Variants in TTLL6 observed in about 807,000 individuals in gnomAD.
The protein encoded by TTLL6 is tubulin tyrosine ligase like 6.
A neutral mutation model predicts 96.4 loss-of-function variants in TTLL6; 75 were observed. The observed-to-expected ratio is 0.78, with a 90% CI of 0.65 to 0.94. The LOEUF is 0.94. Among genes scored for constraint, TTLL6 ranks in the 40% least tolerant of loss-of-function variants. TTLL6 has a pLI of 0.00. For synonymous variants in TTLL6, 411 were observed against 419.4 expected (o/e 0.98, Z 0.24); for missense variants, 1,030 against 1,093.0 (o/e 0.94, Z 0.81).
chr17:48,811,378 A>G (rs1487957625), intron 1 of TTLL6, among the ~76,000 whole-genome samples: 3 of 151,410 alleles, frequency 2.0e-5, no homozygotes, highest in Non-Finnish European at 4.4e-5. Context: ...TGCCCAGCCT[A>G]TTTTTCTTAT....
chr17:48,786,328 TC>T lies in TTLL6; in HGVS notation c.1596del (p.Ile533SerfsTer4). The T allele has an allele frequency of 6.2e-7, 1 of 1,614,234 alleles. No homozygotes were observed. The highest frequency in any genetic ancestry group is 8.5e-7 in the Non-Finnish European group (1 of 1,180,040). On this transcript the variant is annotated frameshift_variant, in exon 12 of 16. Transcript: ENST00000393382. LOFTEE classifies it high-confidence loss of function. Reference sequence around the variant, plus strand: ...TCCCGTTTTAGTCTCAGCTCCTGGATCAGTTGCCTGCCCATGAAGAACAAGT... The same window carrying T: ...TCCCGTTTTAGTCTCAGCTCCTGGATAGTTGCCTGCCCATGAAGAACAAGT... ...SRAREEYARQLIQELRLKREK... is the reference protein window; with the variant it reads ...SRAREEYARQXIQELRLKREK...
Position 48,787,553 on chromosome 17 carries a change from G to A in TTLL6, c.1589+258C>T, listed in dbSNP as rs1025873367. On this transcript the variant is annotated intron_variant, in intron 11 of 15. Transcript: ENST00000393382. ...GTATAGGCACATGCAACCATGCCCA[G>A]CTAATTTTCCTTTTTGTTGTTTTGT... Among the ~76,000 whole-genome samples the A allele has an allele frequency of 2.9e-4, 44 of 152,118 alleles. 1 individual carries two copies. Among genetic ancestry groups the A allele is most frequent in the Admixed American group, 1.2e-3 (18 of 15,266 alleles).
rs74915922 is a variant in TTLL6, at chr17:48,805,152, G to A, written c.104-161C>T. On this transcript the variant is annotated intron_variant, in intron 1 of 15. Transcript: ENST00000393382. The stretch of plus-strand genomic sequence containing the variant: ...CCGCGGTTTGATGCAAGCTCAGGGA[G>A]GGAGCTGATTCCACCTTTTGCCATT... Among the ~76,000 whole-genome samples the A allele has an allele frequency of 5.8e-3, 891 of 152,350 alleles. 13 individuals carry two copies. The highest frequency in any genetic ancestry group is 0.02 in the African/African-American group (833 of 41,578).
At chr17:48,769,674 C>A (rs200636277) in intron 14 of TTLL6, 54 bp downstream of exon 14, 1 of 1,573,044 alleles carries the variant, frequency 6.4e-7, no homozygotes, top group Non-Finnish European at 8.6e-7. Flanking sequence ...CTGGTTCTAT[C>A]GGTCCCTCTC....
In TTLL6 at chr17:48,769,902, G is replaced by A. The variant is rs2038701988; in HGVS notation, c.2236C>T (p.Pro746Ser). Residue 746 changes from proline to serine, a missense_variant, in exon 14 of 16, where the codon CCC becomes TCC. Transcript: ENST00000393382. ...TQKKMLKSFL[P>S]TKSKSFWESP... ...TCCCAGAAGCTCTTGGATTTTGTGG[G>A]CAGAAAAGATTTTAACATTTTCTTC... 6.2e-7 allele frequency: 1 copy of A among 1,614,190 alleles called. No individual in the cohort carries two copies. The highest frequency in any genetic ancestry group is 1.7e-5 in the Admixed American group (1 of 60,022).
rs918221390 is a variant in TTLL6 at position 48,799,819 on chromosome 17, G to T, written c.612-59C>A. The T allele has an allele frequency of 6.2e-6, 9 of 1,452,502 alleles. No individual in the cohort carries two copies. The Admixed American group carries it at 8.7e-5, about 14-fold the overall frequency. 90.0% of individuals were successfully genotyped at this position (1,452,502 alleles called of 1,614,324 possible). Reference sequence around the variant, plus strand: ...TAGCTGGGGAGCAATGAAAAGGAAGGCTAGCCCTTTATGAAGAAAAGAAAG... The same window carrying T: ...TAGCTGGGGAGCAATGAAAAGGAAGTCTAGCCCTTTATGAAGAAAAGAAAG... On this transcript the variant is annotated intron_variant, in intron 5 of 15. Coordinates refer to ENST00000393382, the MANE Select transcript of TTLL6 (RefSeq NM_001130918.3).
chr17:48,772,953 G>A (rs2038778456), intron 13 of TTLL6, among the ~76,000 whole-genome samples: 1 of 122,240 alleles, frequency 8.2e-6, no homozygotes, highest in African/African-American at 3.3e-5. Context: ...GCAGTAAGCT[G>A]TAATTGTGTC....
chr17:48,776,192 C>T (rs2038866174), intron 13 of TTLL6, among the ~76,000 whole-genome samples: 3 of 152,108 alleles, frequency 2.0e-5, no homozygotes, highest in Non-Finnish European at 2.9e-5. Flanking sequence ...CTAGGCTGGG[C>T]GCAGTAGCTC....
At chr17:48,814,282 G>A (rs1053130274) in intron 1 of TTLL6, among the ~76,000 whole-genome samples, 1 of 121,990 alleles carries the variant, frequency 8.2e-6, no homozygotes, top group Non-Finnish European at 1.6e-5. Flanking sequence ...TCGCACCACT[G>A]CCCTCCAGTC....
intron 1 of TTLL6, among the ~76,000 whole-genome samples, chr17:48,810,804 ACACATATATAGTATGTGTGTG>A (rs1179498098): frequency 0.011 from 698 of 61,824 alleles, 25 homozygotes; most frequent in African/African-American, 0.023. Context: ...GTACATATAT[ACACATATATAGTATGTGTGTG>A]TATATATATA....
intron 8 of TTLL6, among the ~76,000 whole-genome samples, chr17:48,792,497 A>T (rs2039246181): frequency 1.3e-5 from 2 of 152,218 alleles, no homozygotes; most frequent in Non-Finnish European, 2.9e-5. Flanking sequence ...GACACGGCTC[A>T]TCCAGGCAGT....
rs576113043 is a variant in TTLL6, at chr17:48,801,400, G to A, written c.481-15C>T. On this transcript the variant is annotated splice_polypyrimidine_tract_variant and intron_variant, in intron 4 of 15. Coordinates refer to ENST00000393382, the MANE Select transcript of TTLL6 (RefSeq NM_001130918.3). The stretch of plus-strand genomic sequence containing the variant: ...TGATTGATCTTCTGGAAGGGAAGCC[G>A]GAATTCATGAGCAATCGAGGGACAT... The A allele has an allele frequency of 3.1e-5, 48 of 1,551,420 alleles. No individual in the cohort carries two copies. The highest frequency in any genetic ancestry group is 4.8e-5 in the South Asian group (4 of 84,040).
At chr17:48,804,731 T>C (rs187451207) in intron 2 of TTLL6, 41 bp downstream of exon 2, 461 of 1,527,018 alleles carry the variant, frequency 3.0e-4, no homozygotes, top group Non-Finnish European at 3.9e-4. Context: ...CTTCCTGTTA[T>C]TACCAACATG....
chr17:48,774,591 A>G (rs957131770), intron 13 of TTLL6, among the ~76,000 whole-genome samples: 1 of 152,182 alleles, frequency 6.6e-6, no homozygotes, highest in Non-Finnish European at 1.5e-5. Context: ...ACTAGACTCT[A>G]CAGACATTAA....
rs1411026618 is a variant in TTLL6 at position 48,817,108 on chromosome 17, G to A, written c.-36C>T. 2.0e-6 allele frequency: 3 copies of A among 1,501,896 alleles called. No individual in the cohort carries two copies. The highest frequency in any genetic ancestry group is 2.6e-5 in the East Asian group (1 of 38,918). 93.0% of individuals were successfully genotyped at this position (1,501,896 alleles called of 1,614,324 possible). On this transcript the variant is annotated 5_prime_UTR_variant, in exon 1 of 16. Coordinates refer to ENST00000393382, the MANE Select transcript of TTLL6 (RefSeq NM_001130918.3). ...ACAGCCCCAACCCCAACCCGCGCTC[G>A]CCCTAACTTTGGGTCCGCCCGGCCC...
chr17:48,773,683 T>G (rs1025269746), intron 13 of TTLL6, among the ~76,000 whole-genome samples: 1 of 151,948 alleles, frequency 6.6e-6, no homozygotes, highest in African/African-American at 2.4e-5. Flanking sequence ...GATTGTGTCA[T>G]TACACTCCAG....
chr17:48,770,182 A>C (rs1168542857), intron 13 of TTLL6, 85 bp from the exon 14 acceptor site: 11 of 1,488,204 alleles, frequency 7.4e-6, no homozygotes, highest in Non-Finnish European at 9.8e-6. Flanking sequence ...TTATTTTTTG[A>C]GACAAGGTCT....
chr17:48,799,073 C>T (rs1007983346), intron 6 of TTLL6, among the ~76,000 whole-genome samples: 17 of 152,278 alleles, frequency 1.1e-4, no homozygotes, highest in Non-Finnish European at 2.1e-4. Context: ...CCACCCACCT[C>T]GGCCTCCCAA....
chr17:48,790,417 A>G (rs923220852), intron 9 of TTLL6, among the ~76,000 whole-genome samples: 1 of 152,182 alleles, frequency 6.6e-6, no homozygotes, highest in Non-Finnish European at 1.5e-5. Context: ...GGGCATCCAG[A>G]GAGCAGGATG....
Sources: allele counts gnomAD v4.1 joint callset (sites outside exome capture counted in the v4.1 genomes callset), GRCh38; gene constraint gnomAD v4.1.1; transcripts MANE v1.5; gene names NCBI Gene and HGNC (gene_info 2026-07-23, HGNC 2026-07-21).